Variants in USP42 observed in about 807,000 individuals in gnomAD.
USP42 encodes the protein ubiquitin specific peptidase 42, also known as ubiquitin carboxyl-terminal hydrolase 42.
In USP42, 23 loss-of-function variants were observed where a neutral mutation model predicts 113.0. The ratio of observed to expected loss-of-function variants is 0.20; its 90% CI spans 0.15 to 0.29. The LOEUF is 0.29. USP42 is among the 10% of genes least tolerant of loss of function. The pLI, the probability that USP42 is intolerant of heterozygous loss-of-function variation, is 1.00. For synonymous variants in USP42, 933 were observed against 699.0 expected, an observed-to-expected ratio of 1.33 and a Z score of -5.28; for missense variants, 2,174 against 1,779.8, an observed-to-expected ratio of 1.22 and a Z score of -3.99.
chr7:6,094,125 AC>A, the USP42 span, among the ~76,000 whole-genome samples: 24 of 149,888 alleles, frequency 1.6e-4, no homozygotes, highest in African/African-American at 6.0e-4. Context: ...CTCGTGATCC[AC>A]CTGCCTCAGC....
intron 3 of USP42, among the ~76,000 whole-genome samples, chr7:6,121,366 A>G (rs1422820873): frequency 6.6e-6 from 1 of 151,904 alleles, no homozygotes; most frequent in African/African-American, 2.4e-5. Context: ...ACACTTGGTC[A>G]TGATGCATTA....
intron 4 of USP42, among the ~76,000 whole-genome samples, chr7:6,138,458 A>G (rs1323255653): frequency 1.3e-5 from 2 of 152,248 alleles, no homozygotes; most frequent in African/African-American, 2.4e-5. Context: ...ATTTTGGACA[A>G]ACTTGAGACA....
chr7:6,141,816 C>T (rs1279255608), intron 7 of USP42, among the ~76,000 whole-genome samples: 1 of 152,130 alleles, frequency 6.6e-6, no homozygotes, highest in Non-Finnish European at 1.5e-5. Flanking sequence ...AAATGAGTAA[C>T]GTTGCAGATA....
In USP42 at chr7:6,153,627, G is replaced by A; in HGVS notation, c.2202-129G>A. Reference sequence around the variant, plus strand: ...GTGCACATGTAGCCTGAAACTTAAAGTATAATAATAATAAAATAAAGAGAC... The same window carrying A: ...GTGCACATGTAGCCTGAAACTTAAAATATAATAATAATAAAATAAAGAGAC... On this transcript the variant is annotated intron_variant, in intron 14 of 17. Coordinates refer to ENST00000306177, the MANE Select transcript of USP42 (RefSeq NM_032172.3). The A allele has an allele frequency of 5.0e-6, 6 of 1,198,318 alleles. 1 individual carries two copies. Among genetic ancestry groups the A allele is most frequent in the Non-Finnish European group, 4.4e-6 (4 of 906,086 alleles). 74.2% of individuals were successfully genotyped at this position (1,198,318 alleles called of 1,614,324 possible).
chr7:6,144,241 GA>G, intron 9 of USP42, 45 bp downstream of exon 9: 1 of 1,302,984 alleles, frequency 7.7e-7, no homozygotes, highest in Non-Finnish European at 1.1e-6. Context: ...CGAGCCTTTC[GA>G]AGCTTAACGT....
At position 6,160,722 on chromosome 7, in the gene USP42, T is replaced by C. The variant is rs970513722; in HGVS notation, c.*204T>C. On this transcript the variant is annotated 3_prime_UTR_variant, in exon 18 of 18. Coordinates refer to ENST00000306177, the MANE Select transcript of USP42 (RefSeq NM_032172.3). ...TTTTCTTAATTACCCTTATTCCGAATGGACGAACACTTTCTACCACTGCTG... is the reference window on the plus strand; with the variant it reads ...TTTTCTTAATTACCCTTATTCCGAACGGACGAACACTTTCTACCACTGCTG... 2.0e-5 allele frequency: 3 copies of C among 152,664 alleles called. No individual in the cohort carries two copies. The highest frequency in any genetic ancestry group is 2.9e-5 in the Non-Finnish European group (2 of 68,048). 9.5% of individuals were successfully genotyped at this position (152,664 alleles called of 1,614,324 possible). A position where few individuals can be genotyped will look rare whatever the true frequency, so the allele number is the denominator to read the frequency against.
Position 6,147,825 on chromosome 7 carries a change from G to A in USP42, c.1319G>A (p.Arg440Gln), listed in dbSNP as rs370623101. The change falls in exon 12 of 18, where the codon CGG becomes CAG. Residue 440 changes from arginine (R) to glutamine (Q), a missense_variant. By Grantham distance (43) the Arg-to-Gln change is conservative. Coordinates refer to ENST00000306177, the MANE Select transcript of USP42 (RefSeq NM_032172.3). ...QSSPRPVISQ[R>Q]VVTNKQAAPG... is the part of the protein sequence containing the mutation. ...TCTCCCCGCCCCGTCATCAGTCAGC[G>A]GGTTGTCACCAACAAACAGGCTGCG... 1.5e-5 allele frequency: 24 copies of A among 1,613,504 alleles called. No individual in the cohort carries two copies. The highest frequency in any genetic ancestry group is 4.0e-5 in the African/African-American group (3 of 74,894).
At chr7:6,098,658 T>G in the USP42 span, among the ~76,000 whole-genome samples, 47 of 150,508 alleles carry the variant, frequency 3.1e-4, 1 homozygote, top group African/African-American at 1.2e-3. Flanking sequence ...TTCAAACGAT[T>G]CTCCTGCCTC....
chr7:6,147,684 T>A, intron 11 of USP42, 55 bp from the exon 12 acceptor site: 4 of 1,488,372 alleles, frequency 2.7e-6, no homozygotes, highest in Non-Finnish European at 3.6e-6. Context: ...TGTAAATGAA[T>A]CTCTCCTAAG....
intron 2 of USP42, chr7:6,111,769 A>AT (rs375859355): frequency 0.15 from 20,192 of 139,244 alleles, 1,619 homozygotes; most frequent in Admixed American, 0.22. Flanking sequence ...AGCCCGGCTA[A>AT]TTTTTTTTTT....
At chr7:6,127,540 T>C (rs1401247042) in intron 3 of USP42, among the ~76,000 whole-genome samples, 5 of 152,184 alleles carry the variant, frequency 3.3e-5, no homozygotes, top group African/African-American at 1.2e-4. Flanking sequence ...AGAAGCTGTC[T>C]TTGTTGAATT....
chr7:6,117,107 C>T (rs771029485), intron 3 of USP42, among the ~76,000 whole-genome samples: 47 of 151,940 alleles, frequency 3.1e-4, no homozygotes, highest in African/African-American at 1.1e-3. Context: ...CATTTGTATA[C>T]ACCCGTGGAA....
intron 3 of USP42, among the ~76,000 whole-genome samples, chr7:6,132,623 T>A (rs1303498175): frequency 6.6e-6 from 1 of 152,130 alleles, no homozygotes; most frequent in African/African-American, 2.4e-5. Flanking sequence ...CCTCACAGAA[T>A]GCTGGGATTA....
At chr7:6,113,364 T>TA (rs770833114) in intron 2 of USP42, among the ~76,000 whole-genome samples, 9 of 152,116 alleles carry the variant, frequency 5.9e-5, no homozygotes, top group Non-Finnish European at 1.3e-4. Flanking sequence ...CAGGACCTCT[T>TA]TCTCCACGGC....
the USP42 span, chr7:6,081,387 G>GCAGCCA: frequency 2.0e-5 from 3 of 152,084 alleles, no homozygotes; most frequent in Non-Finnish European, 4.4e-5. Context: ...GGCGGGCGGC[G>GCAGCCA]CAGCCACAGC....
At chr7:6,113,387 G>C (rs1432693100) in intron 2 of USP42, among the ~76,000 whole-genome samples, 1 of 152,104 alleles carries the variant, frequency 6.6e-6, no homozygotes, top group Non-Finnish European at 1.5e-5. Context: ...TCAACCTCCT[G>C]TCATGTTGCT....
chr7:6,089,811 G>A, the USP42 span, among the ~76,000 whole-genome samples: 8 of 150,670 alleles, frequency 5.3e-5, 1 homozygote, highest in African/African-American at 1.5e-4. Context: ...GATTACAGGT[G>A]TGAGCTACCG....
the USP42 span, among the ~76,000 whole-genome samples, chr7:6,087,731 C>G: frequency 1.3e-5 from 2 of 150,958 alleles, no homozygotes; most frequent in African/African-American, 5.0e-5. Context: ...TAAGCTATAC[C>G]CTCGTCTTGC....
upstream of USP42, among the ~76,000 whole-genome samples, chr7:6,101,714 G>T (rs889808969): frequency 6.6e-6 from 1 of 151,028 alleles, no homozygotes; most frequent in Non-Finnish European, 1.5e-5. Flanking sequence ...AGAGGGGGAG[G>T]TGTAACCCCC....
Sources: allele counts gnomAD v4.1 joint callset (sites outside exome capture counted in the v4.1 genomes callset), GRCh38; gene constraint gnomAD v4.1.1; transcripts MANE v1.5; gene names NCBI Gene and HGNC (gene_info 2026-07-23, HGNC 2026-07-21).